The following PABPC4L variants were observed in gnomAD, a reference collection of about 807,000 sequenced individuals.
PABPC4L encodes polyadenylate-binding protein 4-like.
For missense variants in PABPC4L, 452 were observed against 451.4 expected, an observed-to-expected ratio of 1.00 and a Z score of -0.01; for synonymous variants, 169 against 164.1, an observed-to-expected ratio of 1.03 and a Z score of -0.23.
At chr4:134,087,868 A>G in the PABPC4L span, among the ~76,000 whole-genome samples, 1 of 152,084 alleles carries the variant, frequency 6.6e-6, no homozygotes, top group African/African-American at 2.4e-5. Context: ...CAAGGCTTCT[A>G]TGGCAATGGG....
the PABPC4L span, among the ~76,000 whole-genome samples, chr4:134,134,752 A>C: frequency 6.0e-5 from 9 of 150,536 alleles, no homozygotes; most frequent in Non-Finnish European, 7.4e-5. Flanking sequence ...ATATCAAATA[A>C]AATATATAAT....
the PABPC4L span, among the ~76,000 whole-genome samples, chr4:134,108,801 C>T: frequency 6.6e-6 from 1 of 151,776 alleles, no homozygotes; most frequent in African/African-American, 2.4e-5. Flanking sequence ...TCTATAAAAA[C>T]AGACCATTTT....
the PABPC4L span, among the ~76,000 whole-genome samples, chr4:134,012,268 CA>C: frequency 1.3e-5 from 2 of 152,120 alleles, no homozygotes; most frequent in African/African-American, 4.8e-5. Context: ...TGCACGTACA[CA>C]CTCAGATGGC....
At chr4:134,084,294 T>G in the PABPC4L span, among the ~76,000 whole-genome samples, 1 of 152,012 alleles carries the variant, frequency 6.6e-6, no homozygotes, top group Non-Finnish European at 1.5e-5. Context: ...CAATCCTCCC[T>G]CCTCAGACTC....
chr4:134,167,314 G>A, the PABPC4L span, among the ~76,000 whole-genome samples: 1 of 151,984 alleles, frequency 6.6e-6, no homozygotes, highest in Admixed American at 6.6e-5. Context: ...TGGTAGCAGG[G>A]AGTATTTGGG....
At chr4:134,048,564 G>T in the PABPC4L span, among the ~76,000 whole-genome samples, 40 of 152,178 alleles carry the variant, frequency 2.6e-4, no homozygotes, top group Non-Finnish European at 4.9e-4. Context: ...TAATAGCTTT[G>T]TGTGTCAATT....
the PABPC4L span, among the ~76,000 whole-genome samples, chr4:134,099,231 C>A: frequency 6.6e-6 from 1 of 151,610 alleles, no homozygotes; most frequent in African/African-American, 2.4e-5. Context: ...ATTCACTCAT[C>A]TTTTATTATA....
At chr4:134,173,010 A>G in the PABPC4L span, among the ~76,000 whole-genome samples, 1 of 151,798 alleles carries the variant, frequency 6.6e-6, no homozygotes, top group African/African-American at 2.4e-5. Flanking sequence ...CTACAAGGAG[A>G]TGTCATCTCA....
the PABPC4L span, among the ~76,000 whole-genome samples, chr4:134,115,161 A>G: frequency 6.6e-6 from 1 of 151,908 alleles, no homozygotes; most frequent in Non-Finnish European, 1.5e-5. Context: ...AACACAGACT[A>G]TGAATAGGGA....
chr4:134,179,738 C>A, the PABPC4L span, among the ~76,000 whole-genome samples: 1 of 151,754 alleles, frequency 6.6e-6, no homozygotes, highest in African/African-American at 2.4e-5. Context: ...GGCTGCTATT[C>A]TAATTGGTTT....
the PABPC4L span, among the ~76,000 whole-genome samples, chr4:134,075,343 T>G: frequency 2.0e-4 from 31 of 152,196 alleles, 1 homozygote. Flanking sequence ...TTCATCCATC[T>G]CTTGAACCTA....
At chr4:133,980,521 A>G in the PABPC4L span, among the ~76,000 whole-genome samples, 1 of 152,186 alleles carries the variant, frequency 6.6e-6, no homozygotes, top group Non-Finnish European at 1.5e-5. Flanking sequence ...TTGAAGAGGC[A>G]TAGGCTATAT....
chr4:134,064,721 T>C, the PABPC4L span, among the ~76,000 whole-genome samples: 2 of 152,040 alleles, frequency 1.3e-5, no homozygotes, highest in Admixed American at 6.6e-5. Flanking sequence ...TAAAATGCAA[T>C]AGGTAGCTTT....
the PABPC4L span, among the ~76,000 whole-genome samples, chr4:134,141,604 C>T: frequency 6.6e-6 from 1 of 151,388 alleles, no homozygotes; most frequent in African/African-American, 2.4e-5. Context: ...GTTTTACAGG[C>T]TTCCTAATCA....
At chr4:133,965,017 G>T in the PABPC4L span, among the ~76,000 whole-genome samples, 1 of 152,060 alleles carries the variant, frequency 6.6e-6, no homozygotes, top group African/African-American at 2.4e-5. Context: ...TGGTAAAGAG[G>T]AAGTCAAACT....
chr4:134,078,966 GCT>G, the PABPC4L span, among the ~76,000 whole-genome samples: 1 of 125,618 alleles, frequency 8.0e-6, no homozygotes, highest in East Asian at 2.4e-4. Context: ...CCGTGCCCGG[GCT>G]TTTTTTTTTT....
the PABPC4L span, among the ~76,000 whole-genome samples, chr4:133,976,832 C>A: frequency 2.0e-5 from 3 of 151,924 alleles, no homozygotes; most frequent in East Asian, 5.8e-4. Context: ...TGTAAATTTG[C>A]GTGAGTTCCT....
At chr4:133,979,663 A>G in the PABPC4L span, among the ~76,000 whole-genome samples, 1 of 152,302 alleles carries the variant, frequency 6.6e-6, no homozygotes, top group South Asian at 2.1e-4. Context: ...CCAGATAAAA[A>G]GAATACTACT....
At chr4:134,029,075 T>C in the PABPC4L span, among the ~76,000 whole-genome samples, 1 of 152,140 alleles carries the variant, frequency 6.6e-6, no homozygotes, top group African/African-American at 2.4e-5. Context: ...GTATAACATA[T>C]TTTTATAAGT....
Sources: allele counts gnomAD v4.1 joint callset (sites outside exome capture counted in the v4.1 genomes callset), GRCh38; gene constraint gnomAD v4.1.1; transcripts MANE v1.5; gene names NCBI Gene and HGNC (gene_info 2026-07-23, HGNC 2026-07-21).